CBX5: variants seen among roughly 807,000 people sequenced by gnomAD.
CBX5 encodes the protein chromobox protein homolog 5.
A neutral mutation model predicts 20.7 loss-of-function variants in CBX5; 7 were observed. The ratio of observed to expected loss-of-function variants is 0.34; its 90% CI spans 0.19 to 0.63. CBX5 has a LOEUF of 0.63. CBX5 is among the 30% of genes least tolerant of loss of function. The pLI, the probability that CBX5 is intolerant of heterozygous loss-of-function variation, is 0.75. For synonymous variants in CBX5, 78 were observed against 77.0 expected, an observed-to-expected ratio of 1.01 and a Z score of -0.07; for missense variants, 110 against 224.1, an observed-to-expected ratio of 0.49 and a Z score of 3.25.
chr12:54,263,187 C>T (rs1242202545), intron 1 of CBX5, among the ~76,000 whole-genome samples: 1 of 151,858 alleles, frequency 6.6e-6, no homozygotes, highest in African/African-American at 2.4e-5. Context: ...ATGGTGAAAC[C>T]CTGTCTCTAC....
At chr12:54,261,302 T>C (rs1943914456) in intron 1 of CBX5, among the ~76,000 whole-genome samples, 1 of 151,710 alleles carries the variant, frequency 6.6e-6, no homozygotes, top group African/African-American at 2.4e-5. Context: ...TTTTCTTTTT[T>C]CTTTTTTTTT....
At chr12:54,279,390 T>TAGG (rs1333419405) in intron 1 of CBX5, among the ~76,000 whole-genome samples, 1 of 152,090 alleles carries the variant, frequency 6.6e-6, no homozygotes, top group Non-Finnish European at 1.5e-5. Flanking sequence ...GGAGCAAACT[T>TAGG]ACGCTTTCAA....
chr12:54,241,687 G>C lies in CBX5; in HGVS notation c.*68C>G, dbSNP rs1943678349. 3 of 1,462,108 alleles carry C rather than the reference G, an allele frequency of 2.1e-6. No individual in the cohort carries two copies. The highest frequency in any genetic ancestry group is 2.8e-6 in the Non-Finnish European group (3 of 1,073,756). The allele number at this position is 1,462,108 out of a possible 1,614,324, so 90.6% of individuals were successfully genotyped here. On this transcript the variant is annotated 3_prime_UTR_variant, in exon 5 of 5. Transcript: ENST00000209875. ...TGTTTAGGATAGAAAGGGGTGGGTA[G>C]AAAGGAGAGGAGGCAGGGAGGTGAA...
At chr12:54,266,787 T>C (rs1013740453) in intron 1 of CBX5, among the ~76,000 whole-genome samples, 3 of 152,024 alleles carry the variant, frequency 2.0e-5, no homozygotes, top group Non-Finnish European at 4.4e-5. Flanking sequence ...TTATATTGGA[T>C]TTTTTTTCAC....
At chr12:54,246,046 T>C in intron 4 of CBX5, 69 bp downstream of exon 4, 1 of 1,038,464 alleles carries the variant, frequency 9.6e-7, no homozygotes, top group South Asian at 1.3e-5. Flanking sequence ...CTTGCCACCC[T>C]ATCTTCCACA....
In CBX5 at chr12:54,239,799, C is replaced by G. The variant is rs1943657688; in HGVS notation, c.*1956G>C. On this transcript the variant is annotated 3_prime_UTR_variant, in exon 5 of 5. Transcript: ENST00000209875. ...CCAGTCTGTCATGTCACTGCAGCAACAGCTGTCACCTCAATTATGCAGTAT... is the reference window on the plus strand; with the variant it reads ...CCAGTCTGTCATGTCACTGCAGCAAGAGCTGTCACCTCAATTATGCAGTAT... 6.6e-6 allele frequency: 1 copy of G among 152,256 alleles called. No homozygotes were observed. Among genetic ancestry groups the G allele is most frequent in the Non-Finnish European group, 1.5e-5 (1 of 68,046 alleles). 9.4% of individuals were successfully genotyped at this position (152,256 alleles called of 1,614,324 possible).
At chr12:54,269,474 C>T (rs1592163811) in intron 1 of CBX5, among the ~76,000 whole-genome samples, 1 of 151,870 alleles carries the variant, frequency 6.6e-6, no homozygotes, top group Admixed American at 6.6e-5. Context: ...CTGCACCCTC[C>T]GCCTCTGAGG....
In CBX5 at chr12:54,235,062, C is replaced by T. The variant is rs1296155397; in HGVS notation, c.*6693G>A. ...TTATGAAACTATCTAAAAAACTTCA[C>T]ACTTTAACTTTCCAGAGCAGTTACT... On this transcript the variant is annotated 3_prime_UTR_variant, in exon 5 of 5. Coordinates refer to ENST00000209875, the MANE Select transcript of CBX5 (RefSeq NM_012117.3). 6.6e-6 allele frequency: 1 copy of T among 152,140 alleles called. No individual in the cohort carries two copies. The highest frequency in any genetic ancestry group is 1.9e-4 in the East Asian group (1 of 5,200). 9.4% of individuals were successfully genotyped at this position (152,140 alleles called of 1,614,324 possible). A position where few individuals can be genotyped will look rare whatever the true frequency, so the allele number is the denominator to read the frequency against.
In CBX5 at chr12:54,260,256, C is replaced by T. The variant is rs147382903; in HGVS notation, c.-42-2564G>A. Among the ~76,000 whole-genome samples, 340 of 151,798 alleles carry T rather than the reference C, an allele frequency of 2.2e-3. 2 individuals are homozygous for T. Among genetic ancestry groups the T allele is most frequent in the African/African-American group, 7.9e-3 (326 of 41,378 alleles). ...CTGTAATCCCAGAACTTTGGGAGGC[C>T]GGGACGGGGCAATCATTTGAGGTCA... On this transcript the variant is annotated intron_variant, in intron 1 of 4. Transcript: ENST00000209875.
In CBX5 at chr12:54,240,442, G is replaced by A. The variant is rs1943665195; in HGVS notation, c.*1313C>T. 6.6e-6 allele frequency: 1 copy of A among 152,074 alleles called. No individual in the cohort carries two copies. The highest frequency in any genetic ancestry group is 1.5e-5 in the Non-Finnish European group (1 of 68,020). 9.4% of individuals were successfully genotyped at this position (152,074 alleles called of 1,614,324 possible). ...GGGTCTCACTACATTGCCCAGGCTG[G>A]TCTCAAACTTCTGGCTTCAAGCAAT... On this transcript the variant is annotated 3_prime_UTR_variant, in exon 5 of 5. Coordinates refer to ENST00000209875, the MANE Select transcript of CBX5 (RefSeq NM_012117.3).
chr12:54,257,473 C>A, intron 2 of CBX5, 41 bp downstream of exon 2: 1 of 1,608,746 alleles, frequency 6.2e-7, no homozygotes, highest in Middle Eastern at 1.7e-4. Context: ...AGGTATCTAT[C>A]TCTACAGAGT....
chr12:54,279,517 AG>A (rs1218013664), intron 1 of CBX5, among the ~76,000 whole-genome samples: 1 of 152,110 alleles, frequency 6.6e-6, no homozygotes, highest in Non-Finnish European at 1.5e-5. Flanking sequence ...CCCAAATCGA[AG>A]ACCTCCCTCT....
chr12:54,256,712 G>A (rs71455271), intron 2 of CBX5, among the ~76,000 whole-genome samples: 3,506 of 152,068 alleles, frequency 0.023, 48 homozygotes, highest in Non-Finnish European at 0.035. Context: ...ACTGATTAAC[G>A]CTGAAATAGT....
rs1330261307 is a variant in CBX5 at position 54,233,067 on chromosome 12, A to T, written c.*8688T>A. On this transcript the variant is annotated 3_prime_UTR_variant, in exon 5 of 5. Transcript: ENST00000209875. ...TTACTACATCACATCCCTCCCCACAATACCCAGAGGGCTGCATTTTTCCAA... is the reference window on the plus strand; with the variant it reads ...TTACTACATCACATCCCTCCCCACATTACCCAGAGGGCTGCATTTTTCCAA... 5 of 152,136 alleles carry T rather than the reference A, an allele frequency of 3.3e-5. No individual in the cohort carries two copies. Among genetic ancestry groups the T allele is most frequent in the Non-Finnish European group, 7.3e-5 (5 of 68,028 alleles). The allele number at this position is 152,136 out of a possible 1,614,324, so 9.4% of individuals were successfully genotyped here.
Position 54,274,887 on chromosome 12 carries a change from C to G in CBX5, c.-43+5121G>C, listed in dbSNP as rs191888861. On this transcript the variant is annotated intron_variant, in intron 1 of 4. Coordinates refer to ENST00000209875, the MANE Select transcript of CBX5 (RefSeq NM_012117.3). Reference sequence around the variant, plus strand: ...TCCGGGAGGCAGAGGTTGCAGTGAGCCGAGATCACGCCACTGCACTCTAGC... The same window carrying G: ...TCCGGGAGGCAGAGGTTGCAGTGAGGCGAGATCACGCCACTGCACTCTAGC... Among the ~76,000 whole-genome samples the G allele has an allele frequency of 4.5e-3, 679 of 152,260 alleles. 6 individuals carry two copies. The highest frequency in any genetic ancestry group is 0.016 in the African/African-American group (649 of 41,538).
chr12:54,258,839 CCCTGA>C (rs1943887049), intron 1 of CBX5, among the ~76,000 whole-genome samples: 1 of 152,162 alleles, frequency 6.6e-6, no homozygotes, highest in African/African-American at 2.4e-5. Flanking sequence ...AATATTTCCA[CCCTGA>C]CCAGAAAACC....
intron 1 of CBX5, chr12:54,276,833 C>T (rs1457418635): frequency 1.3e-5 from 2 of 152,126 alleles, no homozygotes; most frequent in African/African-American, 2.4e-5. Context: ...AAATATATTT[C>T]TTATTGCGGT....
chr12:54,271,534 G>A (rs1944010053), intron 1 of CBX5, among the ~76,000 whole-genome samples: 1 of 152,154 alleles, frequency 6.6e-6, no homozygotes, highest in Admixed American at 6.5e-5. Context: ...ATGTTGGCCA[G>A]GCTGATCTGG....
chr12:54,250,678 G>A (rs1208744173), intron 3 of CBX5, among the ~76,000 whole-genome samples: 7 of 149,330 alleles, frequency 4.7e-5, no homozygotes, highest in South Asian at 4.2e-4. Flanking sequence ...GGTGGCGGGC[G>A]CCTGTAGTCC....
Sources: gnomAD v4.1 joint callset for allele counts (sites outside exome capture counted in the v4.1 genomes callset) on GRCh38, gnomAD v4.1.1 for gene constraint, MANE v1.5 for transcripts, NCBI Gene and HGNC (gene_info 2026-07-23, HGNC 2026-07-21) for gene names.